Variants in RNF6 observed in about 807,000 individuals in gnomAD.
RNF6 encodes E3 ubiquitin-protein ligase RNF6.
Under a neutral mutation model 50.1 loss-of-function variants are expected in RNF6, and 21 were observed. The ratio of observed to expected loss-of-function variants is 0.42; its 90% CI spans 0.30 to 0.60. The LOEUF is 0.60. RNF6 is among the 20% of genes least tolerant of loss of function. The pLI, the probability that RNF6 is intolerant of heterozygous loss-of-function variation, is 0.20. For synonymous variants in RNF6, 255 were observed against 291.8 expected (o/e 0.87, Z 1.29); for missense variants, 698 against 838.2 (o/e 0.83, Z 2.07).
intron 5 of RNF6, among the ~76,000 whole-genome samples, chr13:26,151,918 A>G (rs1871627079): frequency 3.3e-5 from 5 of 151,888 alleles, no homozygotes; most frequent in Admixed American, 3.3e-4. Context: ...CTACCCGTGG[A>G]CCCCTTCCTG....
chr13:26,184,531 T>C (rs1420353939), intron 5 of RNF6, among the ~76,000 whole-genome samples: 2 of 152,334 alleles, frequency 1.3e-5, no homozygotes, highest in Admixed American at 6.5e-5. Flanking sequence ...CAGTATAATT[T>C]AGTTGTCTTC....
At chr13:26,218,658 G>C in intron 3 of RNF6, 52 bp from the exon 4 acceptor site, 1 of 1,407,698 alleles carries the variant, frequency 7.1e-7, no homozygotes, top group South Asian at 1.1e-5. Flanking sequence ...AGTTTTATGA[G>C]ACCTCATGAA....
chr13:26,203,939 C>T (rs1240143404), intron 5 of RNF6, among the ~76,000 whole-genome samples: 1 of 151,920 alleles, frequency 6.6e-6, no homozygotes, highest in Non-Finnish European at 1.5e-5. Flanking sequence ...GGCGACAGAG[C>T]GAGACTCGGT....
chr13:26,195,421 A>T (rs1412552662), intron 5 of RNF6, among the ~76,000 whole-genome samples: 6 of 152,210 alleles, frequency 3.9e-5, no homozygotes, highest in Non-Finnish European at 8.8e-5. Flanking sequence ...GGTGTAACAC[A>T]CATATAATAG....
intron 5 of RNF6, among the ~76,000 whole-genome samples, chr13:26,171,616 T>A (rs1872699501): frequency 6.6e-6 from 1 of 152,180 alleles, no homozygotes; most frequent in Admixed American, 6.5e-5. Flanking sequence ...AGCAGCATTA[T>A]CCACAATAGC....
intron 5 of RNF6, among the ~76,000 whole-genome samples, chr13:26,143,242 T>G (rs555031115): frequency 6.6e-6 from 1 of 152,222 alleles, no homozygotes; most frequent in Non-Finnish European, 1.5e-5. Flanking sequence ...GTCATGGTAA[T>G]ACTGAGAGAT....
At chr13:26,143,391 G>A (rs1871061163) in intron 5 of RNF6, among the ~76,000 whole-genome samples, 1 of 152,134 alleles carries the variant, frequency 6.6e-6, no homozygotes, top group African/African-American at 2.4e-5. Context: ...TCAGAAGCAT[G>A]AGGAGCCCAA....
intron 5 of RNF6, among the ~76,000 whole-genome samples, chr13:26,176,357 A>G (rs560477780): frequency 9.9e-5 from 15 of 152,134 alleles, no homozygotes; most frequent in Admixed American, 3.3e-4. Flanking sequence ...TGGCACAATC[A>G]TAGCTCACTG....
downstream of RNF6, among the ~76,000 whole-genome samples, chr13:26,210,495 A>G (rs376264972): frequency 5.9e-5 from 9 of 152,152 alleles, no homozygotes; most frequent in East Asian, 5.8e-4. Flanking sequence ...AGATTCTGTT[A>G]TATCTTTTAG....
At chr13:26,215,900 C>CA (rs1281370987) in intron 4 of RNF6, among the ~76,000 whole-genome samples, 2 of 152,156 alleles carry the variant, frequency 1.3e-5, no homozygotes, top group African/African-American at 4.8e-5. Flanking sequence ...AAATGAGAAA[C>CA]ATGTCCACTA....
chr13:26,176,406 C>T (rs1242813299), intron 5 of RNF6, among the ~76,000 whole-genome samples: 2 of 152,192 alleles, frequency 1.3e-5, no homozygotes, highest in Non-Finnish European at 1.5e-5. Context: ...CCTCCCACCT[C>T]GACCTTCCAA....
chr13:26,172,366 A>C (rs12100329), intron 5 of RNF6, among the ~76,000 whole-genome samples: 1,873 of 152,334 alleles, frequency 0.012, 30 homozygotes, highest in African/African-American at 0.041. Flanking sequence ...AAACTTTAAA[A>C]ATTCAAAAGA....
intron 5 of RNF6, among the ~76,000 whole-genome samples, chr13:26,138,460 G>GTT (rs1185816144): frequency 6.6e-6 from 1 of 152,030 alleles, no homozygotes; most frequent in Non-Finnish European, 1.5e-5. Context: ...GGAAAAGACA[G>GTT]TTATATATAT....
intron 5 of RNF6, among the ~76,000 whole-genome samples, chr13:26,141,092 G>T (rs1192825683): frequency 6.6e-6 from 1 of 152,050 alleles, no homozygotes; most frequent in Non-Finnish European, 1.5e-5. Flanking sequence ...CTATCAAAAT[G>T]CCAACATCAT....
At chr13:26,175,501 G>C (rs1433772206) in intron 5 of RNF6, among the ~76,000 whole-genome samples, 1 of 152,194 alleles carries the variant, frequency 6.6e-6, no homozygotes, top group East Asian at 1.9e-4. Flanking sequence ...CTGGGTACCT[G>C]CAGGATAGCC....
At chr13:26,160,393 A>AT (rs1027157680) in intron 5 of RNF6, among the ~76,000 whole-genome samples, 9 of 151,590 alleles carry the variant, frequency 5.9e-5, no homozygotes, top group South Asian at 4.2e-4. Context: ...TCTACTACCT[A>AT]TTTTTTTTAT....
chr13:26,184,987 T>TTG (rs1566425403), intron 5 of RNF6, among the ~76,000 whole-genome samples: 3 of 151,700 alleles, frequency 2.0e-5, no homozygotes, highest in Admixed American at 6.6e-5. Flanking sequence ...GTTATCATTT[T>TTG]ATTGATTGAT....
intron 2 of RNF6, among the ~76,000 whole-genome samples, chr13:26,220,193 C>T (rs1310538318): frequency 1.3e-5 from 2 of 152,144 alleles, no homozygotes; most frequent in Non-Finnish European, 2.9e-5. Context: ...AATCATTTAG[C>T]CTAATTAATA....
rs1470080680 is a variant in RNF6, at chr13:26,213,801, G to T, written c.*23C>A. 1 of 1,552,706 alleles carries T rather than the reference G, an allele frequency of 6.4e-7. No homozygotes were observed. The highest frequency in any genetic ancestry group is 1.2e-5 in the South Asian group (1 of 81,288). ...GAACATTCAGTTCTACTAAAAAACA[G>T]TATTTGAGTAGATCCCATCACCTTA... is the stretch of plus-strand genomic sequence containing the variant. On this transcript the variant is annotated 3_prime_UTR_variant, in exon 5 of 5. Transcript: ENST00000381588.
Sources: allele counts gnomAD v4.1 joint callset (sites outside exome capture counted in the v4.1 genomes callset), GRCh38; gene constraint gnomAD v4.1.1; transcripts MANE v1.5; gene names NCBI Gene and HGNC (gene_info 2026-07-23, HGNC 2026-07-21).